Variants in MCC observed in about 807,000 individuals in gnomAD.
MCC encodes MCC regulator of Wnt signaling pathway, also known as colorectal mutant cancer protein.
In MCC, 90 loss-of-function variants were observed where a neutral mutation model predicts 116.2. The ratio of observed to expected loss-of-function variants is 0.77; its 90% CI spans 0.65 to 0.92. The LOEUF is 0.92. Ranked by LOEUF, MCC falls within the 40% of genes least tolerant of loss-of-function variation. MCC has a pLI of 0.00. For synonymous variants in MCC, 578 were observed against 510.5 expected, an observed-to-expected ratio of 1.13 and a Z score of -1.78; for missense variants, 1,516 against 1,312.2, an observed-to-expected ratio of 1.16 and a Z score of -2.40.
intron 1 of MCC, among the ~76,000 whole-genome samples, chr5:113,484,968 G>C (rs113844711): frequency 6.6e-6 from 1 of 152,130 alleles, no homozygotes; most frequent in South Asian, 2.1e-4. Context: ...AATCCAGCGG[G>C]GTCCCAGCCG....
chr5:113,482,012 A>C (rs553223557), intron 1 of MCC, among the ~76,000 whole-genome samples: 1 of 152,342 alleles, frequency 6.6e-6, no homozygotes, highest in East Asian at 1.9e-4. Context: ...GAAATAATAT[A>C]ATATGTGGCC....
chr5:113,257,709 G>A (rs1280149194), intron 3 of MCC, among the ~76,000 whole-genome samples: 1 of 152,138 alleles, frequency 6.6e-6, no homozygotes, highest in East Asian at 1.9e-4. Context: ...TATGCATGGG[G>A]GTGTGGGTGC....
intron 2 of MCC, among the ~76,000 whole-genome samples, chr5:113,363,272 T>A (rs904706652): frequency 5.9e-5 from 9 of 151,934 alleles, no homozygotes; most frequent in African/African-American, 2.2e-4. Flanking sequence ...CGAGACTCCG[T>A]CTCAAAAAAC....
chr5:113,062,870 G>C (rs549865518), intron 14 of MCC, among the ~76,000 whole-genome samples: 2 of 152,294 alleles, frequency 1.3e-5, no homozygotes, highest in African/African-American at 4.8e-5. Context: ...GAAAGAGAGA[G>C]GGGAACATTA....
At chr5:113,059,640 CAT>C (rs1326871234) in intron 14 of MCC, among the ~76,000 whole-genome samples, 11 of 152,254 alleles carry the variant, frequency 7.2e-5, no homozygotes, top group South Asian at 2.1e-4. Flanking sequence ...CCTCGCCACA[CAT>C]GTGTGTCTTG....
chr5:113,421,481 A>G (rs975112673), intron 1 of MCC, among the ~76,000 whole-genome samples: 1 of 152,212 alleles, frequency 6.6e-6, no homozygotes, highest in African/African-American at 2.4e-5. Context: ...TTAATGGTCC[A>G]TCCTCTGTTA....
At chr5:113,340,966 T>C (rs6869097) in intron 2 of MCC, among the ~76,000 whole-genome samples, 93,039 of 151,976 alleles carry the variant, frequency 0.61, 31,313 homozygotes, top group African/African-American at 0.9. Flanking sequence ...GAATATGTGC[T>C]CCCTAAACAG....
At position 113,433,746 on chromosome 5, in the gene MCC, C is replaced by T. The variant is rs774488206; in HGVS notation, c.171-48534G>A. 37 of 1,611,938 alleles carry T rather than the reference C, an allele frequency of 2.3e-5. No individual in the cohort carries two copies. The highest frequency in any genetic ancestry group is 1.6e-4 in the Middle Eastern group (1 of 6,074). Reference sequence around the variant, plus strand: ...TGGGCCGCAAGAAGCTCACTGGGCCCGCGTCTCTGGAGGCTGTTGGGGGGG... The same window carrying T: ...TGGGCCGCAAGAAGCTCACTGGGCCTGCGTCTCTGGAGGCTGTTGGGGGGG... On this transcript the variant is annotated intron_variant, in intron 1 of 18. Transcript: ENST00000408903.
intron 1 of MCC, among the ~76,000 whole-genome samples, chr5:113,386,563 T>C (rs993186943): frequency 3.3e-5 from 5 of 152,094 alleles, no homozygotes; most frequent in African/African-American, 1.2e-4. Flanking sequence ...TACTTGCTCT[T>C]TATGGTGTTT....
chr5:113,387,000 C>T (rs1275205593), intron 1 of MCC, among the ~76,000 whole-genome samples: 1 of 152,096 alleles, frequency 6.6e-6, no homozygotes, highest in Non-Finnish European at 1.5e-5. Context: ...CTTTCCCATC[C>T]CTTAACTTCA....
chr5:113,299,292 C>CAAAAAAAAAAAAAAAAAAAAAAAAAAA (rs58372049), intron 3 of MCC, among the ~76,000 whole-genome samples: 1 of 52,078 alleles, frequency 1.9e-5, no homozygotes, highest in Non-Finnish European at 3.9e-5. Context: ...GACTCCGTCT[C>CAAAAAAAAAAAAAAAAAAAAAAAAAAA]AAAAAAAAAA....
intron 6 of MCC, among the ~76,000 whole-genome samples, chr5:113,106,463 A>C (rs1410432519): frequency 6.6e-6 from 1 of 151,846 alleles, no homozygotes; most frequent in East Asian, 1.9e-4. Context: ...AATATGCCAA[A>C]CTCCTGTCTG....
At chr5:113,075,670 C>T (rs1178371922) in intron 11 of MCC, among the ~76,000 whole-genome samples, 1 of 152,116 alleles carries the variant, frequency 6.6e-6, no homozygotes, top group South Asian at 2.1e-4. Context: ...GTAAAATGGA[C>T]CAATCAGCAG....
chr5:113,031,498 C>T (rs1750952971), intron 17 of MCC, among the ~76,000 whole-genome samples: 1 of 147,550 alleles, frequency 6.8e-6, no homozygotes, highest in Non-Finnish European at 1.5e-5. Context: ...CAGCTAAAAA[C>T]AGCAGGGAAG....
chr5:113,360,746 G>C (rs914295010), intron 2 of MCC, among the ~76,000 whole-genome samples: 1 of 151,982 alleles, frequency 6.6e-6, no homozygotes, highest in African/African-American at 2.4e-5. Context: ...CTTTTCAAAC[G>C]TGTCTGCAGC....
intron 3 of MCC, among the ~76,000 whole-genome samples, chr5:113,315,704 C>CAAAAAA (rs35274366): frequency 3.1e-5 from 2 of 64,468 alleles, no homozygotes; most frequent in Non-Finnish European, 6.1e-5. Context: ...CCCATCTCTA[C>CAAAAAA]AAAAAAAAAA....
chr5:113,313,534 A>G (rs1266166263), intron 3 of MCC, among the ~76,000 whole-genome samples: 1 of 152,050 alleles, frequency 6.6e-6, no homozygotes, highest in Non-Finnish European at 1.5e-5. Context: ...ATATGATGGC[A>G]ATGGCGAGCT....
At chr5:113,364,469 G>C (rs564519118) in intron 2 of MCC, among the ~76,000 whole-genome samples, 542 of 152,310 alleles carry the variant, frequency 3.6e-3, no homozygotes, top group Non-Finnish European at 5.2e-3. Context: ...ACTTTCATGG[G>C]CTGGCACTAA....
At chr5:113,301,194 G>A (rs1766853091) in intron 3 of MCC, among the ~76,000 whole-genome samples, 1 of 152,214 alleles carries the variant, frequency 6.6e-6, no homozygotes, top group African/African-American at 2.4e-5. Context: ...GGCCGGGCAT[G>A]GTGGCTCACG....
Sources: gnomAD v4.1 joint callset for allele counts (sites outside exome capture counted in the v4.1 genomes callset) on GRCh38, gnomAD v4.1.1 for gene constraint, MANE v1.5 for transcripts, NCBI Gene and HGNC (gene_info 2026-07-23, HGNC 2026-07-21) for gene names.